The following PAPPA variants were observed in gnomAD, a reference collection of about 807,000 sequenced individuals.
The protein encoded by PAPPA is pappalysin 1.
In PAPPA, 60 loss-of-function variants were observed where a neutral mutation model predicts 164.0. The ratio of observed to expected loss-of-function variants is 0.37; its 90% CI spans 0.30 to 0.45. The LOEUF (loss-of-function observed/expected upper bound fraction) is 0.45. Ranked by LOEUF, PAPPA falls within the 20% of genes least tolerant of loss-of-function variation. The pLI, the probability that PAPPA is intolerant of heterozygous loss-of-function variation, is 1.00. For synonymous variants in PAPPA, 875 were observed against 814.1 expected, an observed-to-expected ratio of 1.07 and a Z score of -1.27; for missense variants, 1,782 against 2,087.3, an observed-to-expected ratio of 0.85 and a Z score of 2.85.
intron 21 of PAPPA, among the ~76,000 whole-genome samples, chr9:116,388,754 G>A (rs2118720378): frequency 6.6e-6 from 1 of 152,330 alleles, no homozygotes; most frequent in South Asian, 2.1e-4. Flanking sequence ...TTAAGACTGA[G>A]ACCTACAGAG....
chr9:116,297,369 T>A (rs546114650), intron 9 of PAPPA, among the ~76,000 whole-genome samples: 2 of 152,344 alleles, frequency 1.3e-5, no homozygotes, highest in Admixed American at 6.5e-5. Flanking sequence ...GTTTTGAAAC[T>A]GATGAGAGTC....
chr9:116,383,636 G>A (rs1846763248), intron 21 of PAPPA, among the ~76,000 whole-genome samples: 2 of 152,198 alleles, frequency 1.3e-5, no homozygotes, highest in South Asian at 4.1e-4. Context: ...CCAAAATACA[G>A]GAACAAATGG....
chr9:116,240,058 G>T (rs1202059097), intron 7 of PAPPA, among the ~76,000 whole-genome samples: 1 of 152,174 alleles, frequency 6.6e-6, no homozygotes, highest in Non-Finnish European at 1.5e-5. Context: ...GGAATCTTCA[G>T]ATTTCTCCAA....
At chr9:116,352,597 A>G (rs1846296951) in intron 15 of PAPPA, 109 bp from the exon 16 acceptor site, 1 of 828,020 alleles carries the variant, frequency 1.2e-6, no homozygotes, top group South Asian at 1.4e-5. Flanking sequence ...GGAATTCCAC[A>G]TAAGGGATCT....
chr9:116,218,860 C>A (rs766849030), intron 4 of PAPPA, among the ~76,000 whole-genome samples: 2 of 152,190 alleles, frequency 1.3e-5, no homozygotes, highest in African/African-American at 2.4e-5. Context: ...GCTTTAATAT[C>A]CTCTTCTGTA....
In PAPPA at chr9:116,154,583, C is replaced by T; in HGVS notation, c.411C>T (p.Ile137=). 3 of 1,370,608 alleles carry T rather than the reference C, an allele frequency of 2.2e-6. No individual in the cohort carries two copies. The highest frequency in any genetic ancestry group is 2.8e-6 in the Non-Finnish European group (3 of 1,062,586). The allele number at this position is 1,370,608 out of a possible 1,614,324, so 84.9% of individuals were successfully genotyped here. A position where few individuals can be genotyped will look rare whatever the true frequency, so the allele number is the denominator to read the frequency against. The change falls in exon 1 of 22, where the codon ATC becomes ATT. Residue 137 remains isoleucine (I), a synonymous_variant. Coordinates refer to ENST00000328252, the MANE Select transcript of PAPPA (RefSeq NM_002581.5). The surrounding 1 kb of genome is among the most constrained non-coding windows in gnomAD (Gnocchi z 5.2). ...AEGGQRSPAV[I]TGLYDKCSYI... ...GGGGCCAGAGGTCTCCGGCAGTGAT[C>T]ACAGGTAGGTGAGGGCGCCTCGGCG... is the stretch of plus-strand genomic sequence containing the variant.
At chr9:116,190,320 G>A (rs949329277) in intron 2 of PAPPA, among the ~76,000 whole-genome samples, 3 of 152,132 alleles carry the variant, frequency 2.0e-5, no homozygotes, top group Admixed American at 6.5e-5. Flanking sequence ...TTTGTACATC[G>A]ATTTATTTGC....
intron 13 of PAPPA, among the ~76,000 whole-genome samples, chr9:116,336,249 A>G (rs79179933): frequency 0.011 from 1,635 of 151,888 alleles, 22 homozygotes; most frequent in African/African-American, 0.037. Flanking sequence ...GAAAAAAAAA[A>G]GAGAAGAGGG....
chr9:116,285,910 T>G (rs1331021467), intron 9 of PAPPA: 3 of 152,214 alleles, frequency 2.0e-5, no homozygotes, highest in African/African-American at 7.2e-5. Context: ...CAATCCTGTT[T>G]GAATAGGAGA....
At chr9:116,176,217 T>C (rs1843833009) in intron 1 of PAPPA, among the ~76,000 whole-genome samples, 1 of 152,120 alleles carries the variant, frequency 6.6e-6, no homozygotes, top group Non-Finnish European at 1.5e-5. Context: ...CTTACCAGAG[T>C]CTGTCTACAC....
intron 10 of PAPPA, among the ~76,000 whole-genome samples, chr9:116,306,390 T>C (rs527797051): frequency 6.6e-6 from 1 of 152,366 alleles, no homozygotes; most frequent in East Asian, 1.9e-4. Context: ...CCATATCTAA[T>C]GGTTTCCAGT....
At position 116,188,302 on chromosome 9, in the gene PAPPA, G is replaced by A; in HGVS notation, c.1478+86G>A. The A allele has an allele frequency of 3.2e-6, 3 of 942,552 alleles. No homozygotes were observed. In the South Asian group the frequency reaches 5.2e-5, roughly 16 times the overall value. 58.4% of individuals were successfully genotyped at this position (942,552 alleles called of 1,614,324 possible). A position where few individuals can be genotyped will look rare whatever the true frequency, so the allele number is the denominator to read the frequency against. On this transcript the variant is annotated intron_variant, in intron 2 of 21. Transcript: ENST00000328252. ...ATAGATAAGGCACCTGAGGCCAGTG[G>A]GTGATATGGGGATTTTCTGGTTCAA...
At chr9:116,353,916 C>A in intron 17 of PAPPA, 123 bp downstream of exon 17, 1 of 644,400 alleles carries the variant, frequency 1.6e-6, no homozygotes, top group Non-Finnish European at 2.6e-6. Context: ...ATTTTCCTAC[C>A]CGCAATACTG....
chr9:116,309,989 A>C (rs1412635670), intron 10 of PAPPA, among the ~76,000 whole-genome samples: 1 of 152,126 alleles, frequency 6.6e-6, no homozygotes, highest in Non-Finnish European at 1.5e-5. Flanking sequence ...GAGATGAATC[A>C]CCCCACCCAT....
intron 9 of PAPPA, among the ~76,000 whole-genome samples, chr9:116,294,654 C>T (rs540183053): frequency 2.3e-4 from 35 of 152,240 alleles, no homozygotes; most frequent in African/African-American, 7.7e-4. Flanking sequence ...AAGAAACTAA[C>T]GTTTAAGTAC....
At chr9:116,288,304 G>C (rs1411253878) in intron 9 of PAPPA, among the ~76,000 whole-genome samples, 1 of 152,180 alleles carries the variant, frequency 6.6e-6, no homozygotes, top group African/African-American at 2.4e-5. Context: ...GAGAGGCAGA[G>C]GTTGCAGTGA....
rs752732230 is a variant in PAPPA, at chr9:116,235,350, C to T, written c.2445C>T (p.Asp815=). The change falls in exon 7 of 22, where the codon GAC becomes GAT. Residue 815 remains aspartate, a synonymous_variant. Coordinates refer to ENST00000328252, the MANE Select transcript of PAPPA (RefSeq NM_002581.5). ...GGGACTCTAGTGGAGCTGTCAATGA[C>T]ATCAAACTGTTGGCTGTCAGTGGGA... ...TDWDSSGAVN[D]IKLLAVSGKN... is the part of the protein sequence containing the mutation. The T allele has an allele frequency of 2.5e-6, 4 of 1,613,972 alleles. No homozygotes were observed. Among genetic ancestry groups the T allele is most frequent in the Non-Finnish European group, 3.4e-6 (4 of 1,179,944 alleles).
At chr9:116,197,953 C>T (rs906256377) in intron 2 of PAPPA, among the ~76,000 whole-genome samples, 1 of 152,156 alleles carries the variant, frequency 6.6e-6, no homozygotes, top group Non-Finnish European at 1.5e-5. Context: ...AAGTCTAGAG[C>T]CAAACTATGC....
At chr9:116,213,348 A>C (rs1270178404) in intron 4 of PAPPA, among the ~76,000 whole-genome samples, 1 of 152,162 alleles carries the variant, frequency 6.6e-6, no homozygotes, top group African/African-American at 2.4e-5. Flanking sequence ...AGGTTCCTGC[A>C]GTCCAAATCT....
Sources: allele counts gnomAD v4.1 joint callset (sites outside exome capture counted in the v4.1 genomes callset), GRCh38; gene constraint gnomAD v4.1.1; non-coding constraint Gnocchi (gnomAD v3.1); transcripts MANE v1.5; gene names NCBI Gene and HGNC (gene_info 2026-07-23, HGNC 2026-07-21).